The following PGBD5 variants were observed in gnomAD, a reference collection of about 807,000 sequenced individuals.
PGBD5 encodes the protein piggyBac transposable element derived 5.
Under a neutral mutation model 47.9 loss-of-function variants are expected in PGBD5, and 14 were observed. The ratio of observed to expected loss-of-function variants is 0.29; its 90% CI spans 0.19 to 0.46. PGBD5 has a LOEUF of 0.46. PGBD5 is among the 20% of genes least tolerant of loss of function. The pLI, the probability that PGBD5 is intolerant of heterozygous loss-of-function variation, is 1.00. For missense variants in PGBD5, 635 were observed against 716.0 expected, an observed-to-expected ratio of 0.89 and a Z score of 1.29; for synonymous variants, 316 against 306.3, an observed-to-expected ratio of 1.03 and a Z score of -0.33.
At chr1:230,419,745 TC>T in intron 1 of PGBD5, among the ~76,000 whole-genome samples, 1 of 152,122 alleles carries the variant, frequency 6.6e-6, no homozygotes, top group Non-Finnish European at 1.5e-5. Context: ...ACAACAGATA[TC>T]AAAACCCTTT....
intron 1 of PGBD5, among the ~76,000 whole-genome samples, chr1:230,402,126 A>G (rs1283824391): frequency 6.6e-6 from 1 of 152,212 alleles, no homozygotes; most frequent in Admixed American, 6.5e-5. Context: ...TCCTTAAAAA[A>G]AAAGAAATGA....
chr1:230,339,403 T>C (rs1407285680), intron 3 of PGBD5, among the ~76,000 whole-genome samples: 1 of 152,174 alleles, frequency 6.6e-6, no homozygotes, highest in Admixed American at 6.5e-5. Flanking sequence ...ATTTTGCCCA[T>C]GAATCAAAGA....
chr1:230,422,524 T>C (rs1328918467), intron 1 of PGBD5, among the ~76,000 whole-genome samples: 1 of 152,130 alleles, frequency 6.6e-6, no homozygotes, highest in Non-Finnish European at 1.5e-5. Flanking sequence ...CCCAGGCAGA[T>C]CATGCATCTC....
At position 230,377,766 on chromosome 1, in the gene PGBD5, G is replaced by C. The variant is rs776091900; in HGVS notation, c.332-20445C>G. ...AATGAAATACTGTGCATAAAGCACA[G>C]TGCAGCATCCGGCTCATACATTTGG... On this transcript the variant is annotated intron_variant, in intron 1 of 6. Coordinates refer to ENST00000391860, the MANE Select transcript of PGBD5 (RefSeq NM_001258311.2). The C allele has an allele frequency of 2.4e-4, 310 of 1,300,174 alleles. No homozygotes were observed. The Middle Eastern group carries it at 4.9e-3, about 20-fold the overall frequency. 80.5% of individuals were successfully genotyped at this position (1,300,174 alleles called of 1,614,324 possible). A position where few individuals can be genotyped will look rare whatever the true frequency, so the allele number is the denominator to read the frequency against.
chr1:230,379,866 C>T (rs568385282), intron 1 of PGBD5, among the ~76,000 whole-genome samples: 1 of 152,354 alleles, frequency 6.6e-6, no homozygotes, highest in African/African-American at 2.4e-5. Flanking sequence ...TTATCATCAT[C>T]CCCATTTTAC....
chr1:230,425,849 T>C lies in PGBD5; in HGVS notation c.80A>G (p.His27Arg). 8.3e-7 allele frequency: 1 copy of C among 1,199,616 alleles called. No individual in the cohort carries two copies. Among genetic ancestry groups the C allele is most frequent in the African/African-American group, 1.6e-5 (1 of 62,486 alleles). 74.3% of individuals were successfully genotyped at this position (1,199,616 alleles called of 1,614,324 possible). Residue 27 changes from histidine (H) to arginine (R), a missense_variant, in exon 1 of 7, where the codon CAC (histidine) becomes CGC (arginine). His to Arg is a conservative substitution (Grantham distance 29, BLOSUM62 0). Transcript: ENST00000391860. This position sits in a 1 kb window ranked among gnomAD's most constrained non-coding sequence, Gnocchi z 4.7. ...CTCGCCGAACACGTCGTCCGAGATG[T>C]GCAGGCTCTCGTAGCGCGCGCGGGC... ...EAARARYESL[H>R]ISDDVFGESG... is the part of the protein sequence containing the mutation.
At chr1:230,362,526 C>A (rs974657769) in intron 1 of PGBD5, 1 of 1,115,556 alleles carries the variant, frequency 9.0e-7, no homozygotes, top group Non-Finnish European at 1.1e-6. Context: ...TCTGGGGGAA[C>A]CTCCTGACCC....
intron 3 of PGBD5, among the ~76,000 whole-genome samples, chr1:230,347,662 G>C (rs1667496612): frequency 6.6e-6 from 1 of 151,478 alleles, no homozygotes; most frequent in Non-Finnish European, 1.5e-5. Flanking sequence ...TTTGTACAAA[G>C]CTGGGGCAAC....
chr1:230,335,206 T>C (rs866490789), intron 4 of PGBD5, among the ~76,000 whole-genome samples: 1 of 13,504 alleles, frequency 7.4e-5, no homozygotes, highest in Non-Finnish European at 1.6e-4. Flanking sequence ...CACACAGATA[T>C]ACAGACAGAC....
In PGBD5 at chr1:230,319,387, T is replaced by C. The variant is rs1341672691; in HGVS notation, c.*4038A>G. 1 of 152,248 alleles carries C rather than the reference T, an allele frequency of 6.6e-6. No individual in the cohort carries two copies. The highest frequency in any genetic ancestry group is 1.5e-5 in the Non-Finnish European group (1 of 68,100). The allele number at this position is 152,248 out of a possible 1,614,324, so 9.4% of individuals were successfully genotyped here. A position where few individuals can be genotyped will look rare whatever the true frequency, so the allele number is the denominator to read the frequency against. Reference sequence around the variant, plus strand: ...TCACCTTTCTCCCCCATCAGTGTCGTTGACTTGTTCTCGCCCCAATCCCAG... The same window carrying C: ...TCACCTTTCTCCCCCATCAGTGTCGCTGACTTGTTCTCGCCCCAATCCCAG... On this transcript the variant is annotated 3_prime_UTR_variant, in exon 7 of 7. Transcript: ENST00000391860.
chr1:230,365,652 C>G (rs2632577), intron 1 of PGBD5, among the ~76,000 whole-genome samples: 96,391 of 152,080 alleles, frequency 0.63, 31,898 homozygotes, highest in Non-Finnish European at 0.74. Flanking sequence ...GGCACGAAGT[C>G]AACCATGGAG....
intron 1 of PGBD5, among the ~76,000 whole-genome samples, chr1:230,402,967 T>C (rs772552302): frequency 6.6e-6 from 1 of 152,242 alleles, no homozygotes; most frequent in Non-Finnish European, 1.5e-5. Flanking sequence ...TCCAAGCAAC[T>C]ACAAGATCAA....
chr1:230,341,247 G>A (rs1364109229), intron 3 of PGBD5, among the ~76,000 whole-genome samples: 2 of 152,174 alleles, frequency 1.3e-5, no homozygotes, highest in Non-Finnish European at 2.9e-5. Flanking sequence ...CTGTTGGCAA[G>A]GCAGTCAAAA....
chr1:230,345,743 C>T (rs371518838), intron 3 of PGBD5, among the ~76,000 whole-genome samples: 1 of 152,154 alleles, frequency 6.6e-6, no homozygotes. Flanking sequence ...CAGGCGATCA[C>T]GAGGGTAAAC....
intron 3 of PGBD5, among the ~76,000 whole-genome samples, chr1:230,346,072 C>T (rs967604149): frequency 6.6e-6 from 1 of 152,076 alleles, no homozygotes; most frequent in African/African-American, 2.4e-5. Context: ...GACAGGGTCT[C>T]GCTCTGACAC....
At chr1:230,324,464 T>C (rs1667085120) in intron 6 of PGBD5, among the ~76,000 whole-genome samples, 1 of 152,210 alleles carries the variant, frequency 6.6e-6, no homozygotes, top group Admixed American at 6.5e-5. Context: ...AAAGACTTGT[T>C]CAATGAATCC....
chr1:230,423,594 A>G (rs1657707193), intron 1 of PGBD5, among the ~76,000 whole-genome samples: 1 of 152,082 alleles, frequency 6.6e-6, no homozygotes, highest in East Asian at 1.9e-4. Context: ...ATCATATTCC[A>G]TTGTTTTGGA....
chr1:230,398,108 G>A (rs1319796820), intron 1 of PGBD5, among the ~76,000 whole-genome samples: 2 of 152,212 alleles, frequency 1.3e-5, no homozygotes, highest in African/African-American at 2.4e-5. Context: ...GTGGCACAGA[G>A]CTGAGACCGC....
chr1:230,420,552 G>A (rs1302545176), intron 1 of PGBD5, among the ~76,000 whole-genome samples: 1 of 152,164 alleles, frequency 6.6e-6, no homozygotes, highest in Non-Finnish European at 1.5e-5. Context: ...CCCCCATGCT[G>A]TTCTCGTGAC....
Sources: gnomAD v4.1 joint callset for allele counts (sites outside exome capture counted in the v4.1 genomes callset) on GRCh38, gnomAD v4.1.1 for gene constraint, Gnocchi (gnomAD v3.1) non-coding constraint, MANE v1.5 for transcripts, NCBI Gene and HGNC (gene_info 2026-07-23, HGNC 2026-07-21) for gene names.